The following KRTAP26-1 variants were observed in gnomAD, a reference collection of about 807,000 sequenced individuals.
KRTAP26-1 encodes the protein keratin associated protein 26-1.
For synonymous variants in KRTAP26-1, 111 were observed against 103.3 expected, an observed-to-expected ratio of 1.07 and a Z score of -0.45; for missense variants, 273 against 260.9, an observed-to-expected ratio of 1.05 and a Z score of -0.32.
Position 30,320,187 on chromosome 21 carries a change from A to C in KRTAP26-1, c.-152T>G. The C allele has an allele frequency of 3.3e-6, 2 of 600,982 alleles. No individual in the cohort carries two copies. The highest frequency in any genetic ancestry group is 2.9e-6 in the Non-Finnish European group (1 of 346,568). The allele number at this position is 600,982 out of a possible 1,614,324, so 37.2% of individuals were successfully genotyped here. ...TCTTGTTGTATGAAGATGCATCAGA[A>C]CTCTTTATTATAGCCAAGGAAGTGA... On this transcript the variant is annotated 5_prime_UTR_variant, in exon 1 of 1. Coordinates refer to ENST00000360542, the MANE Select transcript of KRTAP26-1 (RefSeq NM_203405.2).
rs1315721229 is a variant in KRTAP26-1, at chr21:30,319,258, G to A, written c.*145C>T. ...AAGATGAAAACAAGATAAAACATGC[G>A]AGAGAAGCAGCTTGCATTAGATCAG... On this transcript the variant is annotated 3_prime_UTR_variant, in exon 1 of 1. Coordinates refer to ENST00000360542, the MANE Select transcript of KRTAP26-1 (RefSeq NM_203405.2). 26 of 738,406 alleles carry A rather than the reference G, an allele frequency of 3.5e-5. No homozygotes were observed. The highest frequency in any genetic ancestry group is 5.2e-5 in the Non-Finnish European group (25 of 476,936). The allele number at this position is 738,406 out of a possible 1,614,324, so 45.7% of individuals were successfully genotyped here.
chr21:30,319,466 G>T lies in KRTAP26-1; in HGVS notation c.570C>A (p.Phe190Leu). Reference protein sequence around the residue: ...SSSLRPLGPLFSGCQPLTHVF... With the variant: ...SSSLRPLGPLLSGCQPLTHVF... ...CATGGGTCAGAGGTTGGCAACCACTGAACAGAGGCCCCAGAGGTCTGAGGC... is the reference window on the plus strand; with the variant it reads ...CATGGGTCAGAGGTTGGCAACCACTTAACAGAGGCCCCAGAGGTCTGAGGC... Residue 190 changes from phenylalanine (F) to leucine (L), a missense_variant, in exon 1 of 1, where the codon TTC becomes TTA. By Grantham distance (22) the Phe-to-Leu change is conservative (BLOSUM62 0). Transcript: ENST00000360542. 1 of 1,613,980 alleles carries T rather than the reference G, an allele frequency of 6.2e-7. No homozygotes were observed. Among genetic ancestry groups the T allele is most frequent in the South Asian group, 1.1e-5 (1 of 91,056 alleles).
rs1981655652 is a variant in KRTAP26-1, at chr21:30,320,109, C to T, written c.-74G>A. ...TGAAGTTTGTTCTGCCCTTCCTTAG[C>T]TTGACCCTTTATTTATCCCTAGAAG... is the stretch of plus-strand genomic sequence containing the variant. On this transcript the variant is annotated 5_prime_UTR_variant, in exon 1 of 1. Coordinates refer to ENST00000360542, the MANE Select transcript of KRTAP26-1 (RefSeq NM_203405.2). The T allele has an allele frequency of 4.8e-6, 6 of 1,261,872 alleles. No homozygotes were observed. Among genetic ancestry groups the T allele is most frequent in the Non-Finnish European group, 6.5e-6 (6 of 926,394 alleles). 78.2% of individuals were successfully genotyped at this position (1,261,872 alleles called of 1,614,324 possible).
At position 30,319,807 on chromosome 21, in the gene KRTAP26-1, C is replaced by T. The variant is rs1358382221; in HGVS notation, c.229G>A (p.Glu77Lys). ...GCAGTGGAAGAACCGCAAGAGGTTT[C>T]AAGATTGCCGGTCTCACAGTGGACC... The part of the protein sequence containing the change: ...QPVHCETGNL[E>K]TSCGSSTAYY... The change falls in exon 1 of 1, where the codon GAA becomes AAA. Residue 77 changes from glutamate to lysine, a missense_variant. By Grantham distance (56) the Glu-to-Lys change is moderately conservative (BLOSUM62 1). Coordinates refer to ENST00000360542, the MANE Select transcript of KRTAP26-1 (RefSeq NM_203405.2). The T allele has an allele frequency of 2.5e-5, 41 of 1,613,532 alleles. No homozygotes were observed. The highest frequency in any genetic ancestry group is 3.5e-5 in the Non-Finnish European group (41 of 1,179,758).
In KRTAP26-1 at chr21:30,319,652, C is replaced by T. The variant is rs762645898; in HGVS notation, c.384G>A (p.Leu128=). The change falls in exon 1 of 1, where the codon CTG becomes CTA. Residue 128 remains leucine, a synonymous_variant. Coordinates refer to ENST00000360542, the MANE Select transcript of KRTAP26-1 (RefSeq NM_203405.2). ...VSSGCRPLRP[L]LNSYQPIGDC... ...CTCCTATGGGCTGGTAACTATTGAGCAGCGGCCTCAGTGGACGACAGCCGC... is the reference window on the plus strand; with the variant it reads ...CTCCTATGGGCTGGTAACTATTGAGTAGCGGCCTCAGTGGACGACAGCCGC... 3.2e-5 allele frequency: 51 copies of T among 1,613,844 alleles called. No homozygotes were observed. Among genetic ancestry groups the T allele is most frequent in the Non-Finnish European group, 4.2e-5 (49 of 1,179,902 alleles).
In KRTAP26-1 at chr21:30,319,406, C is replaced by G. The variant is rs1981617700; in HGVS notation, c.630G>C (p.Leu210=). The G allele has an allele frequency of 1.3e-6, 2 of 1,562,266 alleles. No homozygotes were observed. Among genetic ancestry groups the G allele is most frequent in the East Asian group, 4.5e-5 (2 of 44,084 alleles). The change falls in exon 1 of 1, where the codon CTG becomes CTC. Residue 210 remains leucine (L), a synonymous_variant. Transcript: ENST00000360542. ...TGGAACAAAGAAGCTGCTGGTTTCA[C>G]AGTCCAGAGCAAGATGGACGACACG... ...FSTCRPSCSG[L] is the part of the protein sequence containing the mutation.
Position 30,319,983 on chromosome 21 carries a change from G to A in KRTAP26-1, c.53C>T (p.Thr18Ile), listed in dbSNP as rs751963349. The A allele has an allele frequency of 6.2e-7, 1 of 1,612,820 alleles. No individual in the cohort carries two copies. The highest frequency in any genetic ancestry group is 1.1e-5 in the South Asian group (1 of 90,942). Residue 18 changes from threonine (T) to isoleucine (I), a missense_variant, in exon 1 of 1, where the codon ACC becomes ATC. Transcript: ENST00000360542. ...SGNSNSGSLR[T>I]SRHIPLTSID... ...GGAGGTGAGAGGAATATGGCGGGAG[G>A]TTCTGAGAGATCCTGAGTTGGAGTT... is the stretch of plus-strand genomic sequence containing the variant.
rs1981623111 is a variant in KRTAP26-1, at chr21:30,319,514, T to C, written c.522A>G (p.Gln174=). The C allele has an allele frequency of 6.2e-7, 1 of 1,613,682 alleles. No individual in the cohort carries two copies. Among genetic ancestry groups the C allele is most frequent in the Non-Finnish European group, 8.5e-7 (1 of 1,179,912 alleles). The change falls in exon 1 of 1, where the codon CAA becomes CAG. Residue 174 remains glutamine (Q), a synonymous_variant. Coordinates refer to ENST00000360542, the MANE Select transcript of KRTAP26-1 (RefSeq NM_203405.2). ...GGCTGCTGGACACAACGTGAAGACT[T>C]TGAGGACGATAGGCCAAGCAACTCG... ...QPSSCLAYRP[Q]SLHVVSSSLR...
rs1981654894 is a variant in KRTAP26-1 at position 30,320,096 on chromosome 21, T to C, written c.-61A>G. ...AGAAGTGAGTGTCTGAAGTTTGTTC[T>C]GCCCTTCCTTAGCTTGACCCTTTAT... is the stretch of plus-strand genomic sequence containing the variant. On this transcript the variant is annotated 5_prime_UTR_variant, in exon 1 of 1. Transcript: ENST00000360542. The C allele has an allele frequency of 7.2e-7, 1 of 1,383,196 alleles. No homozygotes were observed. The highest frequency in any genetic ancestry group is 1.5e-5 in the African/African-American group (1 of 68,372). 85.7% of individuals were successfully genotyped at this position (1,383,196 alleles called of 1,614,324 possible).
At position 30,319,450 on chromosome 21, in the gene KRTAP26-1, G is replaced by A. The variant is rs1006326054; in HGVS notation, c.586C>T (p.Leu196=). Residue 196 remains leucine (L), a synonymous_variant, in exon 1 of 1, where the codon CTG becomes TTG. Coordinates refer to ENST00000360542, the MANE Select transcript of KRTAP26-1 (RefSeq NM_203405.2). Reference sequence around the variant, plus strand: ...CGACACGTGCTGAACACATGGGTCAGAGGTTGGCAACCACTGAACAGAGGC... The same window carrying A: ...CGACACGTGCTGAACACATGGGTCAAAGGTTGGCAACCACTGAACAGAGGC... ...LGPLFSGCQP[L]THVFSTCRPS... is the part of the protein sequence containing the mutation. 1 of 1,613,758 alleles carries A rather than the reference G, an allele frequency of 6.2e-7. No homozygotes were observed. Among genetic ancestry groups the A allele is most frequent in the Non-Finnish European group, 8.5e-7 (1 of 1,179,860 alleles).
Position 30,319,964 on chromosome 21 carries a change from G to A in KRTAP26-1, c.72C>T (p.Leu24=). The change falls in exon 1 of 1, where the codon CTC becomes CTT. Residue 24 remains leucine, a synonymous_variant. Transcript: ENST00000360542. ...GSLRTSRHIP[L]TSIDLCPTSV... ...TGGTAGGGCAGAGGTCGATGGAGGT[G>A]AGAGGAATATGGCGGGAGGTTCTGA... 2 of 1,614,006 alleles carry A rather than the reference G, an allele frequency of 1.2e-6. No homozygotes were observed. Among genetic ancestry groups the A allele is most frequent in the Admixed American group, 1.7e-5 (1 of 60,020 alleles).
In KRTAP26-1 at chr21:30,319,337, T is replaced by C. The variant is rs1981615246; in HGVS notation, c.*66A>G. ...CTACTAGCAAAGAAGCAAAAGTCCA[T>C]GGAGTTTGAATTTTTGTTGTGGATG... On this transcript the variant is annotated 3_prime_UTR_variant, in exon 1 of 1. Coordinates refer to ENST00000360542, the MANE Select transcript of KRTAP26-1 (RefSeq NM_203405.2). The C allele has an allele frequency of 8.2e-6, 12 of 1,459,158 alleles. No homozygotes were observed. Among genetic ancestry groups the C allele is most frequent in the Non-Finnish European group, 1.1e-5 (12 of 1,091,584 alleles). 90.4% of individuals were successfully genotyped at this position (1,459,158 alleles called of 1,614,324 possible).
chr21:30,319,256 G>T lies in KRTAP26-1; in HGVS notation c.*147C>A. On this transcript the variant is annotated 3_prime_UTR_variant, in exon 1 of 1. Transcript: ENST00000360542. ...GAAAGATGAAAACAAGATAAAACAT[G>T]CGAGAGAAGCAGCTTGCATTAGATC... The T allele has an allele frequency of 1.4e-6, 1 of 721,370 alleles. No homozygotes were observed. Among genetic ancestry groups the T allele is most frequent in the Non-Finnish European group, 2.2e-6 (1 of 461,704 alleles). The allele number at this position is 721,370 out of a possible 1,614,324, so 44.7% of individuals were successfully genotyped here.
In KRTAP26-1 at chr21:30,319,933, T is replaced by A; in HGVS notation, c.103A>T (p.Ser35Cys). 6.2e-7 allele frequency: 1 copy of A among 1,614,060 alleles called. No individual in the cohort carries two copies. The highest frequency in any genetic ancestry group is 8.5e-7 in the Non-Finnish European group (1 of 1,179,984). Reference sequence around the variant, plus strand: ...GGTAAGTAGAGGACATCTCCACAGCTCACGCTGGTAGGGCAGAGGTCGATG... The same window carrying A: ...GGTAAGTAGAGGACATCTCCACAGCACACGCTGGTAGGGCAGAGGTCGATG... ...TSIDLCPTSVSCGDVLYLPTS... is the reference protein window; with the variant it reads ...TSIDLCPTSVCCGDVLYLPTS... Residue 35 changes from serine to cysteine, a missense_variant, in exon 1 of 1, where the codon AGC becomes TGC. Ser to Cys is a moderately radical substitution (Grantham distance 112). Transcript: ENST00000360542.
At position 30,319,217 on chromosome 21, in the gene KRTAP26-1, T is replaced by C. The variant is rs1332593097; in HGVS notation, c.*186A>G. 14 of 529,644 alleles carry C rather than the reference T, an allele frequency of 2.6e-5. No homozygotes were observed. The East Asian group carries it at 4.1e-4, about 15-fold the overall frequency. 32.8% of individuals were successfully genotyped at this position (529,644 alleles called of 1,614,324 possible). On this transcript the variant is annotated 3_prime_UTR_variant, in exon 1 of 1. Transcript: ENST00000360542. Reference sequence around the variant, plus strand: ...CATTGAATAGCATTGTAAACTAATTTTTTTGATGTCAAGGAAAGATGAAAA... The same window carrying C: ...CATTGAATAGCATTGTAAACTAATTCTTTTGATGTCAAGGAAAGATGAAAA...
chr21:30,319,469 CAG>C, the KRTAP26-1 span: 1 of 1,613,930 alleles, frequency 6.2e-7, no homozygotes, highest in Non-Finnish European at 8.5e-7. Context: ...AACCACTGAA[CAG>C]AGGCCCCAGA....
rs1161169279 is a variant in KRTAP26-1 at position 30,320,287 on chromosome 21, G to A, written c.-252C>T. The A allele has an allele frequency of 2.2e-5, 8 of 363,674 alleles. No individual in the cohort carries two copies. The South Asian group carries it at 3.7e-4, about 17-fold the overall frequency. 22.5% of individuals were successfully genotyped at this position (363,674 alleles called of 1,614,324 possible). ...ATTACGTCTATCTATAAACCAATGC[G>A]ACTGAGTTTTAATAGGATCTATCCT... On this transcript the variant is annotated 5_prime_UTR_variant, in exon 1 of 1. Transcript: ENST00000360542.
rs77018583 is a variant in KRTAP26-1, at chr21:30,319,675, C to T, written c.361G>A (p.Gly121Ser). 2.0e-3 allele frequency: 3,238 copies of T among 1,613,910 alleles called. 61 individuals are homozygous for T. The African/African-American group carries it at 0.034, about 17-fold the overall frequency. The change falls in exon 1 of 1, where the codon GGC becomes AGC. Residue 121 changes from glycine to serine, a missense_variant. Gly to Ser is a moderately conservative substitution (Grantham distance 56). Coordinates refer to ENST00000360542, the MANE Select transcript of KRTAP26-1 (RefSeq NM_203405.2). Reference sequence around the variant, plus strand: ...AGCAGCGGCCTCAGTGGACGACAGCCGCTGGACACATACCTCTGTGGTCTA... The same window carrying T: ...AGCAGCGGCCTCAGTGGACGACAGCTGCTGGACACATACCTCTGTGGTCTA... ...SCRPQRYVSS[G>S]CRPLRPLLNS...
At position 30,319,243 on chromosome 21, in the gene KRTAP26-1, C is replaced by A; in HGVS notation, c.*160G>T. 2 of 644,766 alleles carry A rather than the reference C, an allele frequency of 3.1e-6. No homozygotes were observed. The highest frequency in any genetic ancestry group is 2.5e-6 in the Non-Finnish European group (1 of 402,744). 39.9% of individuals were successfully genotyped at this position (644,766 alleles called of 1,614,324 possible). On this transcript the variant is annotated 3_prime_UTR_variant, in exon 1 of 1. Coordinates refer to ENST00000360542, the MANE Select transcript of KRTAP26-1 (RefSeq NM_203405.2). ...TTTTGATGTCAAGGAAAGATGAAAA[C>A]AAGATAAAACATGCGAGAGAAGCAG...
Sources: allele counts gnomAD v4.1 joint callset, GRCh38; gene constraint gnomAD v4.1.1; transcripts MANE v1.5; gene names NCBI Gene and HGNC (gene_info 2026-07-23, HGNC 2026-07-21).